NCAM2: variants seen among roughly 807,000 people sequenced by gnomAD.
NCAM2 encodes the protein N-CAM-2.
In NCAM2, 30 loss-of-function variants were observed where a neutral mutation model predicts 98.1. The observed-to-expected ratio is 0.31, with a 90% confidence interval of 0.23 to 0.41. The LOEUF is 0.41. NCAM2 is among the 10% of genes least tolerant of loss of function. The pLI is 1.00. For missense variants in NCAM2, 867 were observed against 1,005.8 expected (o/e 0.86, Z 1.87); for synonymous variants, 368 against 342.4 (o/e 1.07, Z -0.83).
At chr21:21,143,788 AT>A (rs1050469054) in intron 1 of NCAM2, among the ~76,000 whole-genome samples, 5 of 72,160 alleles carry the variant, frequency 6.9e-5, no homozygotes, top group African/African-American at 2.1e-4. Context: ...CTTTTTGCTC[AT>A]TTTTTTTTTA....
rs563926425 is a variant in NCAM2, at chr21:21,176,518, CTA to C, written c.56-104059_56-104058del. Among the ~76,000 whole-genome samples the C allele has an allele frequency of 2.6e-3, 390 of 152,020 alleles. 4 individuals carry two copies. The highest frequency in any genetic ancestry group is 8.7e-3 in the African/African-American group (362 of 41,482). On this transcript the variant is annotated intron_variant, in intron 1 of 17. Transcript: ENST00000400546. ...ATCTAGTTTTTACAAAATATTAACT[CTA>C]GAGTTTTTCTATGAAAATGTAAATG...
intron 5 of NCAM2, among the ~76,000 whole-genome samples, chr21:21,322,804 A>G (rs232461): frequency 0.2 from 29,847 of 152,136 alleles, 3,108 homozygotes; most frequent in Middle Eastern, 0.31. Context: ...GCTGCATGCC[A>G]TTATTCATAA....
chr21:21,297,513 T>C (rs996511922), intron 5 of NCAM2, among the ~76,000 whole-genome samples: 17 of 151,754 alleles, frequency 1.1e-4, no homozygotes, highest in Non-Finnish European at 1.5e-5. Flanking sequence ...TAAAAACAGA[T>C]TAACAGAGAC....
intron 1 of NCAM2, among the ~76,000 whole-genome samples, chr21:21,100,227 A>G (rs1189729330): frequency 6.6e-6 from 1 of 151,908 alleles, no homozygotes; most frequent in Non-Finnish European, 1.5e-5. Context: ...TATTTGACCA[A>G]AAAAAAGAGA....
At chr21:21,331,347 G>A (rs903908880) in intron 6 of NCAM2, among the ~76,000 whole-genome samples, 12 of 149,682 alleles carry the variant, frequency 8.0e-5, no homozygotes, top group African/African-American at 3.0e-4. Flanking sequence ...TGTGTTGCCA[G>A]GGTTGAACTT....
intron 9 of NCAM2, 100 bp from the exon 10 acceptor site, chr21:21,410,174 C>T: frequency 3.1e-6 from 2 of 654,072 alleles, no homozygotes; most frequent in Non-Finnish European, 2.3e-6. Flanking sequence ...AATTATGTGG[C>T]TTCTTTTTAT....
intron 5 of NCAM2, among the ~76,000 whole-genome samples, chr21:21,297,035 A>C (rs1420044754): frequency 6.6e-6 from 1 of 151,860 alleles, no homozygotes; most frequent in Admixed American, 6.6e-5. Context: ...AGCTAAAAAA[A>C]AGTTAAAGAC....
At chr21:21,389,565 C>A (rs1434129754) in intron 9 of NCAM2, among the ~76,000 whole-genome samples, 1 of 152,100 alleles carries the variant, frequency 6.6e-6, no homozygotes, top group East Asian at 1.9e-4. Flanking sequence ...ACCCATTAAC[C>A]AATCTCTCTT....
At chr21:21,259,620 C>A (rs1417902548) in intron 1 of NCAM2, among the ~76,000 whole-genome samples, 1 of 152,108 alleles carries the variant, frequency 6.6e-6, no homozygotes, top group South Asian at 2.1e-4. Context: ...AAATAAAAAA[C>A]CTGCTGCTAG....
In NCAM2 at chr21:21,515,016, TA is replaced by T. The variant is rs758494069; in HGVS notation, c.2282+5968del. On this transcript the variant is annotated intron_variant, in intron 16 of 17. Coordinates refer to ENST00000400546, the MANE Select transcript of NCAM2 (RefSeq NM_004540.5). Reference sequence around the variant, plus strand: ...TTAAAAAATTTAAATTATTTATCCATAAAAAAATTTGCAATTACAAATTTTA... The same window carrying T: ...TTAAAAAATTTAAATTATTTATCCATAAAAAATTTGCAATTACAAATTTTA... Among the ~76,000 whole-genome samples, 6 of 152,288 alleles carry T rather than the reference TA, an allele frequency of 3.9e-5. No individual in the cohort carries two copies. The East Asian group carries it at 7.7e-4, about 20-fold the overall frequency.
intron 1 of NCAM2, among the ~76,000 whole-genome samples, chr21:21,030,882 C>T (rs917913171): frequency 7.9e-5 from 12 of 152,072 alleles, no homozygotes; most frequent in African/African-American, 2.4e-4. Context: ...AAGCTGCATA[C>T]GTTGTATGGC....
chr21:21,119,208 G>A (rs577014981), intron 1 of NCAM2, among the ~76,000 whole-genome samples: 52 of 152,138 alleles, frequency 3.4e-4, no homozygotes, highest in Non-Finnish European at 6.2e-4. Context: ...TTAGCATAAT[G>A]ATTACTTCAC....
chr21:21,452,193 CACAT>C lies in NCAM2; in HGVS notation c.1655-14411_1655-14408del, dbSNP rs755711412. On this transcript the variant is annotated intron_variant, in intron 12 of 17. Transcript: ENST00000400546. ...CCACACACACACACACACACACACA[CACAT>C]AGATGTATGTACACACACATATATA... is the stretch of plus-strand genomic sequence containing the variant. 1.3e-3 allele frequency among the ~76,000 whole-genome samples: 132 copies of C among 105,490 alleles called. 1 individual carries two copies. Among genetic ancestry groups the C allele is most frequent in the Non-Finnish European group, 2.5e-3 (107 of 42,780 alleles). 69.2% of individuals were successfully genotyped at this position (105,490 alleles called of 152,430 possible).
At chr21:21,235,464 C>T (rs2070781972) in intron 1 of NCAM2, among the ~76,000 whole-genome samples, 1 of 151,912 alleles carries the variant, frequency 6.6e-6, no homozygotes, top group African/African-American at 2.4e-5. Context: ...TAAACCTAAT[C>T]CACTTCATTT....
intron 16 of NCAM2, among the ~76,000 whole-genome samples, chr21:21,532,190 A>G (rs937953799): frequency 2.6e-5 from 4 of 152,022 alleles, no homozygotes; most frequent in African/African-American, 7.2e-5. Context: ...ATATGGTGGT[A>G]CATACATACA....
At chr21:21,115,900 TAAG>T (rs1483690323) in intron 1 of NCAM2, among the ~76,000 whole-genome samples, 2 of 151,996 alleles carry the variant, frequency 1.3e-5, no homozygotes, top group African/African-American at 2.4e-5. Flanking sequence ...TTTTTGGAAA[TAAG>T]AAGTTCATGG....
intron 1 of NCAM2, among the ~76,000 whole-genome samples, chr21:21,228,892 T>G (rs9306011): frequency 0.086 from 13,069 of 151,504 alleles, 1,058 homozygotes; most frequent in East Asian, 0.35. Context: ...TGTTGTTACA[T>G]TTTTATTTTG....
At position 21,153,982 on chromosome 21, in the gene NCAM2, A is replaced by AG. The variant is rs1423667283; in HGVS notation, c.56-126596_56-126595insG. 2.0e-5 allele frequency among the ~76,000 whole-genome samples: 3 copies of AG among 151,910 alleles called. No individual in the cohort carries two copies. The East Asian group carries it at 5.8e-4, about 29-fold the overall frequency. On this transcript the variant is annotated intron_variant, in intron 1 of 17. Transcript: ENST00000400546. ...ATTTTTCTTGGTTAAATATATGATT[A>AG]AGTTTATAAATGAGATAGAGAATAT...
chr21:21,290,946 T>A, intron 4 of NCAM2, among the ~76,000 whole-genome samples: 1 of 151,810 alleles, frequency 6.6e-6, no homozygotes, highest in Non-Finnish European at 1.5e-5. Flanking sequence ...ACGATCAGGC[T>A]GATGGAGACT....
Sources: allele counts gnomAD v4.1 joint callset (sites outside exome capture counted in the v4.1 genomes callset), GRCh38; gene constraint gnomAD v4.1.1; transcripts MANE v1.5; gene names NCBI Gene and HGNC (gene_info 2026-07-23, HGNC 2026-07-21).